The following RPF1 variants were observed in gnomAD, a reference collection of about 807,000 sequenced individuals.
The protein encoded by RPF1 is ribosome production factor 1 homolog.
In RPF1, 34 loss-of-function variants were observed where a neutral mutation model predicts 41.9. The ratio of observed to expected loss-of-function variants is 0.81; its 90% CI spans 0.62 to 1.08. The LOEUF is 1.08. Ranked by LOEUF, RPF1 falls within the 50% of genes least tolerant of loss-of-function variation. RPF1 has a pLI of 0.00. For synonymous variants in RPF1, 140 were observed against 148.9 expected (o/e 0.94, Z 0.43); for missense variants, 425 against 435.2 (o/e 0.98, Z 0.21).
chr1:84,482,429 A>G (rs954142134), intron 2 of RPF1, among the ~76,000 whole-genome samples: 3 of 152,158 alleles, frequency 2.0e-5, no homozygotes, highest in Admixed American at 2.0e-4. Flanking sequence ...TCTTCGTTCA[A>G]ATTTCTCCCC....
rs769154948 is a variant in RPF1, at chr1:84,490,366, A to T, written c.510A>T (p.Ser170=). 1.2e-6 allele frequency: 2 copies of T among 1,611,268 alleles called. No homozygotes were observed. The highest frequency in any genetic ancestry group is 2.2e-5 in the South Asian group (2 of 90,492). ...AGCTCTCCACAGTTATACCAAACTC[A>T]CATGTTTATTACAGAAGAGGACTGG... ...CEQLSTVIPN[S]HVYYRRGLAL... Residue 170 remains serine, a synonymous_variant, in exon 5 of 9, where the codon TCA becomes TCT. Coordinates refer to ENST00000370654, the MANE Select transcript of RPF1 (RefSeq NM_025065.7).
intron 5 of RPF1, among the ~76,000 whole-genome samples, chr1:84,491,937 G>A (rs1188979498): frequency 1.3e-5 from 2 of 152,320 alleles, no homozygotes; most frequent in African/African-American, 4.8e-5. Flanking sequence ...TAGGCCAGCA[G>A]ATTGCTTGAG....
chr1:84,481,225 T>A (rs1681641484), intron 2 of RPF1, among the ~76,000 whole-genome samples: 1 of 152,236 alleles, frequency 6.6e-6, no homozygotes, highest in Admixed American at 6.5e-5. Context: ...GTCTGCTTCA[T>A]AATTGCTTTT....
In RPF1 at chr1:84,479,281, C is replaced by G; in HGVS notation, c.-1C>G. On this transcript the variant is annotated 5_prime_UTR_variant, in exon 1 of 9. Coordinates refer to ENST00000370654, the MANE Select transcript of RPF1 (RefSeq NM_025065.7). ...CGTACGGAAGCAAAGGAGCCAAGAC[C>G]ATGGCGAAAGCCGGGGATAAGAGCA... 2 of 1,595,304 alleles carry G rather than the reference C, an allele frequency of 1.3e-6. No homozygotes were observed. Among genetic ancestry groups the G allele is most frequent in the African/African-American group, 1.4e-5 (1 of 73,826 alleles).
At chr1:84,479,924 C>T (rs931710199) in intron 1 of RPF1, among the ~76,000 whole-genome samples, 2 of 152,180 alleles carry the variant, frequency 1.3e-5, no homozygotes, top group Non-Finnish European at 2.9e-5. Flanking sequence ...TCTCTGATTC[C>T]TGCAGGAGCT....
chr1:84,480,314 T>C (rs1681620610), intron 1 of RPF1, among the ~76,000 whole-genome samples: 1 of 152,172 alleles, frequency 6.6e-6, no homozygotes, highest in South Asian at 2.1e-4. Context: ...TGATTTCTAA[T>C]CTGAAACCTG....
intron 5 of RPF1, among the ~76,000 whole-genome samples, chr1:84,494,183 C>T (rs193205852): frequency 6.6e-5 from 10 of 152,246 alleles, no homozygotes; most frequent in African/African-American, 2.4e-4. Flanking sequence ...AGACCAACCA[C>T]AATACTACCT....
intron 5 of RPF1, among the ~76,000 whole-genome samples, chr1:84,492,371 A>G (rs558458725): frequency 6.6e-6 from 1 of 152,298 alleles, no homozygotes; most frequent in African/African-American, 2.4e-5. Context: ...AAAGGGATAT[A>G]CTTTTTTGAC....
At chr1:84,482,781 G>T in intron 2 of RPF1, 134 bp from the exon 3 acceptor site, 7 of 524,434 alleles carry the variant, frequency 1.3e-5, no homozygotes, top group East Asian at 3.0e-5. Flanking sequence ...TAGAATTGAT[G>T]TAGCAATAGA....
Position 84,496,360 on chromosome 1 carries a change from G to C in RPF1, c.998G>C (p.Trp333Ser). The C allele has an allele frequency of 1.9e-6, 3 of 1,606,442 alleles. No individual in the cohort carries two copies. Among genetic ancestry groups the C allele is most frequent in the Non-Finnish European group, 2.5e-6 (3 of 1,176,948 alleles). ...GATTCTAAATATGGAGAGTATGAAT[G>C]GGTCCATAAGGTATGTGCTTATTGT... is the stretch of plus-strand genomic sequence containing the variant. The part of the protein sequence containing the change: ...TFDSKYGEYE[W>S]VHKPREMDTS... The change falls in exon 8 of 9, where the codon TGG (tryptophan) becomes TCG (serine). Residue 333 changes from tryptophan (W) to serine (S), a missense_variant. Coordinates refer to ENST00000370654, the MANE Select transcript of RPF1 (RefSeq NM_025065.7).
Position 84,496,369 on chromosome 1 carries a change from AG to A in RPF1, c.1008+1del. The A allele has an allele frequency of 6.3e-7, 1 of 1,597,816 alleles. No individual in the cohort carries two copies. Among genetic ancestry groups the A allele is most frequent in the Non-Finnish European group, 8.5e-7 (1 of 1,173,160 alleles). Reference sequence around the variant, plus strand: ...TATGGAGAGTATGAATGGGTCCATAAGGTATGTGCTTATTGTTTAAAAAGAC... The same window carrying A: ...TATGGAGAGTATGAATGGGTCCATAAGTATGTGCTTATTGTTTAAAAAGAC... ...SKYGEYEWVH[K>X]PREMDTSRRK... On this transcript the variant is annotated frameshift_variant and splice_region_variant, in exon 8 of 9. Transcript: ENST00000370654. LOFTEE classifies it high-confidence loss of function.
In RPF1 at chr1:84,490,363, C is replaced by T. The variant is rs1056981; in HGVS notation, c.507C>T (p.Asn169=). ...LCEQLSTVIP[N]SHVYYRRGLA... ...AACAGCTCTCCACAGTTATACCAAA[C>T]TCACATGTTTATTACAGAAGAGGAC... Residue 169 remains asparagine, a synonymous_variant, in exon 5 of 9, where the codon AAC becomes AAT. Coordinates refer to ENST00000370654, the MANE Select transcript of RPF1 (RefSeq NM_025065.7). 1.9e-6 allele frequency: 3 copies of T among 1,609,776 alleles called. No individual in the cohort carries two copies. The highest frequency in any genetic ancestry group is 2.5e-6 in the Non-Finnish European group (3 of 1,178,300).
rs1681964551 is a variant in RPF1, at chr1:84,497,567, C to G, written c.*97C>G. 2 of 889,054 alleles carry G rather than the reference C, an allele frequency of 2.2e-6. No homozygotes were observed. Among genetic ancestry groups the G allele is most frequent in the East Asian group, 2.8e-5 (1 of 36,282 alleles). 55.1% of individuals were successfully genotyped at this position (889,054 alleles called of 1,614,324 possible). A position where few individuals can be genotyped will look rare whatever the true frequency, so the allele number is the denominator to read the frequency against. On this transcript the variant is annotated 3_prime_UTR_variant, in exon 9 of 9. Coordinates refer to ENST00000370654, the MANE Select transcript of RPF1 (RefSeq NM_025065.7). The stretch of plus-strand genomic sequence containing the variant: ...AATACTCTTTTCAAAATGGCATTTG[C>G]TGATTTCATAAACCTTTCACGTCTG...
chr1:84,479,311 C>T lies in RPF1; in HGVS notation c.30C>T (p.Ser10=), dbSNP rs757330688. 6.2e-7 allele frequency: 1 copy of T among 1,608,272 alleles called. No individual in the cohort carries two copies. Among genetic ancestry groups the T allele is most frequent in the African/African-American group, 1.3e-5 (1 of 74,500 alleles). ...CGAAAGCCGGGGATAAGAGCAGCAG[C>T]AGCGGGAAGAAAAGTCTAAAACGGA... MAKAGDKSS[S]SGKKSLKRKA... is the part of the protein sequence containing the mutation. The change falls in exon 1 of 9, where the codon AGC becomes AGT. Residue 10 remains serine, a synonymous_variant. Coordinates refer to ENST00000370654, the MANE Select transcript of RPF1 (RefSeq NM_025065.7).
chr1:84,489,730 T>G lies in RPF1; in HGVS notation c.462+2T>G. On this transcript the variant is annotated splice_donor_variant, in intron 4 of 8. Coordinates refer to ENST00000370654, the MANE Select transcript of RPF1 (RefSeq NM_025065.7). LOFTEE classifies it high-confidence loss of function. ...ACAACATCAGATAGACCTCATGGGG[T>G]AAACACATTGATTAATTTAGTTCTT... 6.7e-7 allele frequency: 1 copy of G among 1,491,112 alleles called. No homozygotes were observed. The highest frequency in any genetic ancestry group is 9.4e-7 in the Non-Finnish European group (1 of 1,068,348). 92.4% of individuals were successfully genotyped at this position (1,491,112 alleles called of 1,614,324 possible).
chr1:84,481,089 C>A, intron 2 of RPF1, 77 bp downstream of exon 2: 5 of 795,306 alleles, frequency 6.3e-6, no homozygotes, highest in Non-Finnish European at 8.2e-6. Flanking sequence ...GAATTACTTT[C>A]TTTTAAAATT....
chr1:84,496,652 G>A (rs74095424), intron 8 of RPF1, among the ~76,000 whole-genome samples: 27,377 of 151,466 alleles, frequency 0.18, 2,546 homozygotes, highest in South Asian at 0.31. Flanking sequence ...GGTTCTCAAA[G>A]CGAGACCAGC....
chr1:84,490,289 A>G (rs1301436754), intron 4 of RPF1, 30 bp from the exon 5 acceptor site: 3 of 1,466,026 alleles, frequency 2.0e-6, no homozygotes, highest in Non-Finnish European at 2.7e-6. Context: ...TTTGAAAACT[A>G]TTCAAAATTT....
Position 84,495,366 on chromosome 1 carries a change from T to A in RPF1, c.617-7T>A. On this transcript the variant is annotated splice_polypyrimidine_tract_variant and splice_region_variant and intron_variant, in intron 5 of 8. Coordinates refer to ENST00000370654, the MANE Select transcript of RPF1 (RefSeq NM_025065.7). ...TTCAATGTGTTTTTCTTAACTTTTA[T>A]GAACAGATGGACTTATTTTGAGTCA... The A allele has an allele frequency of 7.5e-7, 1 of 1,329,706 alleles. No individual in the cohort carries two copies. Among genetic ancestry groups the A allele is most frequent in the East Asian group, 2.3e-5 (1 of 42,934 alleles). The allele number at this position is 1,329,706 out of a possible 1,614,324, so 82.4% of individuals were successfully genotyped here.
Sources: allele counts gnomAD v4.1 joint callset (sites outside exome capture counted in the v4.1 genomes callset), GRCh38; gene constraint gnomAD v4.1.1; transcripts MANE v1.5; gene names NCBI Gene and HGNC (gene_info 2026-07-23, HGNC 2026-07-21).